The following NPRL3 variants were observed in gnomAD, a reference collection of about 807,000 sequenced individuals.
NPRL3 encodes the protein NPR3 like, GATOR1 complex subunit.
NPRL3 carries 23 observed loss-of-function variants against 57.2 expected under a neutral mutation model. The ratio of observed to expected loss-of-function variants is 0.40; its 90% CI spans 0.29 to 0.57. The LOEUF is 0.57. NPRL3 is among the 20% of genes least tolerant of loss of function. The pLI is 0.42. For synonymous variants in NPRL3, 333 were observed against 321.1 expected, an observed-to-expected ratio of 1.04 and a Z score of -0.39; for missense variants, 691 against 767.1, an observed-to-expected ratio of 0.90 and a Z score of 1.17.
intron 2 of NPRL3, among the ~76,000 whole-genome samples, chr16:136,273 C>T (rs895495322): frequency 2.6e-5 from 4 of 152,188 alleles, no homozygotes; most frequent in South Asian, 2.1e-4. Context: ...TCACCGTGGC[C>T]GGTAAGAAGG....
rs966617357 is a variant in NPRL3, at chr16:93,434, C to A, written c.925-109G>T. 54 of 724,998 alleles carry A rather than the reference C, an allele frequency of 7.4e-5. No individual in the cohort carries two copies. Among genetic ancestry groups the A allele is most frequent in the Non-Finnish European group, 1.2e-4 (49 of 405,552 alleles). The allele number at this position is 724,998 out of a possible 1,614,324, so 44.9% of individuals were successfully genotyped here. ...TGGCCTACCAGCCTGGAGAAGCTGG[C>A]CCCAGCCTCATGCAGAACACACCTG... is the stretch of plus-strand genomic sequence containing the variant. On this transcript the variant is annotated intron_variant, in intron 9 of 13. Coordinates refer to ENST00000611875, the MANE Select transcript of NPRL3 (RefSeq NM_001077350.3).
At chr16:88,917 C>T in intron 12 of NPRL3, 27 bp from the exon 13 acceptor site, 6 of 1,594,264 alleles carry the variant, frequency 3.8e-6, no homozygotes, top group Non-Finnish European at 3.4e-6. Flanking sequence ...TCAGGGTGAC[C>T]AAGTGGAATT....
At chr16:123,386 C>T (rs551321569) in intron 3 of NPRL3, 6 of 440,294 alleles carry the variant, frequency 1.4e-5, no homozygotes, top group South Asian at 9.9e-5. Flanking sequence ...GTGAGGTCCA[C>T]GCCTGTGTGC....
rs969785856 is a variant in NPRL3, at chr16:85,694, C to T, written c.*1011G>A. On this transcript the variant is annotated 3_prime_UTR_variant, in exon 14 of 14. Coordinates refer to ENST00000611875, the MANE Select transcript of NPRL3 (RefSeq NM_001077350.3). ...CGTCGGCCATGCAGGGGAGTGGGCC[C>T]GGAAACCCCTCCGCTTCTATGTCCG... 1.9e-5 allele frequency: 29 copies of T among 1,547,634 alleles called. No individual in the cohort carries two copies. Among genetic ancestry groups the T allele is most frequent in the African/African-American group, 6.8e-5 (5 of 73,114 alleles).
At chr16:132,234 C>G (rs1041868114) in intron 2 of NPRL3, among the ~76,000 whole-genome samples, 1 of 152,146 alleles carries the variant, frequency 6.6e-6, no homozygotes, top group African/African-American at 2.4e-5. Context: ...TCTCGAACTC[C>G]CGGGCTCAAG....
chr16:93,244 G>T lies in NPRL3; in HGVS notation c.1006C>A (p.Leu336Met). 2 of 1,557,118 alleles carry T rather than the reference G, an allele frequency of 1.3e-6. No individual in the cohort carries two copies. The highest frequency in any genetic ancestry group is 2.4e-5 in the East Asian group (1 of 41,374). Residue 336 changes from leucine to methionine, a missense_variant, in exon 10 of 14, where the codon CTG becomes ATG. By Grantham distance (15) the Leu-to-Met change is conservative (BLOSUM62 2). Transcript: ENST00000611875. ...AGACATACGCTGGCATTGGGAGACA[G>T]CATGTAGACGTTGTTCTCACACAGC... ...YPLCENNVYM[L>M]SPNASVCLYS...
intron 13 of NPRL3, among the ~76,000 whole-genome samples, chr16:87,868 C>CTTT (rs35061088): frequency 7.3e-5 from 10 of 137,536 alleles, no homozygotes; most frequent in African/African-American, 2.2e-4. Context: ...CCGCGCCTGA[C>CTTT]TTTTTTTTTT....
rs776775132 is a variant in NPRL3, at chr16:85,706, C to T, written c.*999G>A. On this transcript the variant is annotated 3_prime_UTR_variant, in exon 14 of 14. Transcript: ENST00000611875. ...AGGGGAGTGGGCCCGGAAACCCCTC[C>T]GCTTCTATGTCCGGGGCAGCCCCTG... 12 of 1,539,552 alleles carry T rather than the reference C, an allele frequency of 7.8e-6. No individual in the cohort carries two copies. The highest frequency in any genetic ancestry group is 5.5e-5 in the African/African-American group (4 of 73,106).
At chr16:108,580 G>T (rs1037837277) in intron 7 of NPRL3, among the ~76,000 whole-genome samples, 3 of 152,090 alleles carry the variant, frequency 2.0e-5, no homozygotes, top group African/African-American at 7.2e-5. Flanking sequence ...ACTCAATGGT[G>T]GGGGCAGTTG....
chr16:98,023 G>A, intron 9 of NPRL3, 122 bp downstream of exon 9: 2 of 1,247,066 alleles, frequency 1.6e-6, no homozygotes, highest in Non-Finnish European at 1.1e-6. Context: ...CCACCCCATG[G>A]TGGGCTGTGC....
chr16:121,356 C>T (rs1900270069), intron 3 of NPRL3, among the ~76,000 whole-genome samples: 1 of 152,188 alleles, frequency 6.6e-6, no homozygotes. Flanking sequence ...GGCGTGGTGG[C>T]TCACACCTGT....
chr16:95,350 TACACACACACACACACACACAC>T (rs142854412), intron 9 of NPRL3, among the ~76,000 whole-genome samples: 4 of 110,986 alleles, frequency 3.6e-5, no homozygotes, highest in Non-Finnish European at 5.3e-5. Flanking sequence ...TATATATATA[TACACACACACACACACACACAC>T]ACACACACAC....
chr16:103,296 A>ATTTTTTTT (rs533871530), intron 7 of NPRL3, among the ~76,000 whole-genome samples: 484 of 42,126 alleles, frequency 0.011, 101 homozygotes, highest in Non-Finnish European at 0.014. Flanking sequence ...GCCTGGGGTG[A>ATTTTTTTT]TTTTTTTTTT....
intron 7 of NPRL3, among the ~76,000 whole-genome samples, chr16:102,252 G>A (rs961014631): frequency 5.3e-5 from 8 of 152,168 alleles, no homozygotes; most frequent in African/African-American, 1.2e-4. Flanking sequence ...ACCACAAAGC[G>A]CCCTTGCCTT....
At position 86,555 on chromosome 16, in the gene NPRL3, A is replaced by T; in HGVS notation, c.*150T>A. The T allele has an allele frequency of 1.4e-6, 1 of 736,468 alleles. No homozygotes were observed. The highest frequency in any genetic ancestry group is 2.2e-6 in the Non-Finnish European group (1 of 460,652). 45.6% of individuals were successfully genotyped at this position (736,468 alleles called of 1,614,324 possible). A position where few individuals can be genotyped will look rare whatever the true frequency, so the allele number is the denominator to read the frequency against. On this transcript the variant is annotated 3_prime_UTR_variant, in exon 14 of 14. Coordinates refer to ENST00000611875, the MANE Select transcript of NPRL3 (RefSeq NM_001077350.3). Reference sequence around the variant, plus strand: ...AGGGGCAAGGACAGCGGGGCTCTGCAGGCTTCACTGGGCCACGGCCAGCCC... The same window carrying T: ...AGGGGCAAGGACAGCGGGGCTCTGCTGGCTTCACTGGGCCACGGCCAGCCC...
intron 7 of NPRL3, among the ~76,000 whole-genome samples, chr16:107,309 G>A (rs949239111): frequency 6.6e-6 from 1 of 152,108 alleles, no homozygotes; most frequent in Non-Finnish European, 1.5e-5. Context: ...TTTCCAGCAC[G>A]ATTCAAACCT....
chr16:86,567 GC>G lies in NPRL3; in HGVS notation c.*137del. Reference sequence around the variant, plus strand: ...AGCGGGGCTCTGCAGGCTTCACTGGGCCACGGCCAGCCCGCATCCACCCAAT... The same window carrying G: ...AGCGGGGCTCTGCAGGCTTCACTGGGCACGGCCAGCCCGCATCCACCCAAT... On this transcript the variant is annotated 3_prime_UTR_variant, in exon 14 of 14. Transcript: ENST00000611875. 1.2e-6 allele frequency: 1 copy of G among 860,288 alleles called. No homozygotes were observed. The highest frequency in any genetic ancestry group is 1.7e-6 in the Non-Finnish European group (1 of 571,950). The allele number at this position is 860,288 out of a possible 1,614,324, so 53.3% of individuals were successfully genotyped here. A position where few individuals can be genotyped will look rare whatever the true frequency, so the allele number is the denominator to read the frequency against.
Position 86,565 on chromosome 16 carries a change from G to C in NPRL3, c.*140C>G. 1.2e-6 allele frequency: 1 copy of C among 837,418 alleles called. No homozygotes were observed. 51.9% of individuals were successfully genotyped at this position (837,418 alleles called of 1,614,324 possible). ...ACAGCGGGGCTCTGCAGGCTTCACT[G>C]GGCCACGGCCAGCCCGCATCCACCC... On this transcript the variant is annotated 3_prime_UTR_variant, in exon 14 of 14. Transcript: ENST00000611875.
chr16:113,163 C>T (rs757155035), intron 5 of NPRL3, among the ~76,000 whole-genome samples: 1 of 152,246 alleles, frequency 6.6e-6, no homozygotes, highest in Non-Finnish European at 1.5e-5. Context: ...AGAACAGAAC[C>T]TGCCCTGAGC....
Sources: gnomAD v4.1 joint callset for allele counts (sites outside exome capture counted in the v4.1 genomes callset) on GRCh38, gnomAD v4.1.1 for gene constraint, MANE v1.5 for transcripts, NCBI Gene and HGNC (gene_info 2026-07-23, HGNC 2026-07-21) for gene names.